The following ACTR3B variants were observed in gnomAD, a reference collection of about 807,000 sequenced individuals.
ACTR3B encodes the protein actin related protein 3B, also known as actin-related protein 3B.
Under a neutral mutation model 59.0 loss-of-function variants are expected in ACTR3B, and 8 were observed. The ratio of observed to expected loss-of-function variants is 0.14; its 90% CI spans 0.08 to 0.24. The LOEUF is 0.24. ACTR3B is among the 10% of genes least tolerant of loss of function. The pLI is 1.00. For missense variants in ACTR3B, 245 were observed against 552.3 expected (o/e 0.44, Z 5.58); for synonymous variants, 148 against 197.9 (o/e 0.75, Z 2.12).
At chr7:152,811,336 G>A (rs1208714134) in intron 4 of ACTR3B, 1 of 148,038 alleles carries the variant, frequency 6.8e-6, no homozygotes, top group African/African-American at 2.5e-5. Context: ...AACTCTCTGA[G>A]TGGGGTACTA....
At chr7:152,782,989 G>A (rs1406759657) in intron 1 of ACTR3B, among the ~76,000 whole-genome samples, 198 bp from the exon 2 acceptor site, 1 of 143,760 alleles carries the variant, frequency 7.0e-6, no homozygotes, top group Non-Finnish European at 1.5e-5. Flanking sequence ...AATATTTTAA[G>A]TTTTTGCAAA....
Position 152,761,585 on chromosome 7 carries a change from G to T in ACTR3B, c.44+1659G>T, listed in dbSNP as rs181787642. ...GTGATTAATGTAACTTGGCTAACTT[G>T]GAGATTCAACTTCTATAGATCATTG... is the stretch of plus-strand genomic sequence containing the variant. On this transcript the variant is annotated intron_variant, in intron 1 of 11. Coordinates refer to ENST00000256001, the MANE Select transcript of ACTR3B (RefSeq NM_020445.6). Among the ~76,000 whole-genome samples the T allele has an allele frequency of 6.2e-3, 950 of 152,248 alleles. 6 individuals are homozygous for T. Among genetic ancestry groups the T allele is most frequent in the Non-Finnish European group, 9.6e-3 (654 of 68,018 alleles).
intron 1 of ACTR3B, among the ~76,000 whole-genome samples, chr7:152,771,089 G>A (rs1191777551): frequency 2.0e-5 from 3 of 150,378 alleles, no homozygotes; most frequent in East Asian, 1.9e-4. Flanking sequence ...TCAGCCTCCC[G>A]AGTAGCTAGG....
chr7:152,798,383 A>G (rs2098224528), intron 2 of ACTR3B, among the ~76,000 whole-genome samples: 1 of 151,640 alleles, frequency 6.6e-6, no homozygotes. Context: ...CACTTGGGTT[A>G]TTTGTTTTTT....
intron 9 of ACTR3B, among the ~76,000 whole-genome samples, chr7:152,847,689 C>T (rs1227411587): frequency 6.6e-6 from 1 of 152,206 alleles, no homozygotes; most frequent in African/African-American, 2.4e-5. Flanking sequence ...CCCGTGCACA[C>T]AGTTCTGTGG....
intron 1 of ACTR3B, among the ~76,000 whole-genome samples, chr7:152,765,746 G>T (rs1318981969): frequency 1.3e-5 from 2 of 151,860 alleles, no homozygotes; most frequent in Non-Finnish European, 2.9e-5. Context: ...CCTGTACACT[G>T]ACTTGAGACC....
At chr7:152,801,434 A>G (rs1176345019) in intron 3 of ACTR3B, among the ~76,000 whole-genome samples, 187 bp from the exon 4 acceptor site, 1 of 152,230 alleles carries the variant, frequency 6.6e-6, no homozygotes, top group Non-Finnish European at 1.5e-5. Context: ...GTGGAGGAGA[A>G]TATGAACAAT....
intron 9 of ACTR3B, among the ~76,000 whole-genome samples, chr7:152,836,637 T>C (rs1797481128): frequency 6.6e-6 from 1 of 152,040 alleles, no homozygotes; most frequent in East Asian, 1.9e-4. Context: ...AATAAAGCAG[T>C]GATGTATGCT....
chr7:152,816,070 C>T (rs549412061), intron 5 of ACTR3B, among the ~76,000 whole-genome samples: 37 of 152,136 alleles, frequency 2.4e-4, no homozygotes, highest in Non-Finnish European at 5.0e-4. Context: ...CCTCAGTCTC[C>T]CGAGTAGCTG....
At chr7:152,828,205 C>T (rs931490510) in intron 9 of ACTR3B, among the ~76,000 whole-genome samples, 2 of 152,068 alleles carry the variant, frequency 1.3e-5, no homozygotes, top group African/African-American at 2.4e-5. Flanking sequence ...CATGTTGAGG[C>T]GTGGCCTTTG....
At chr7:152,835,316 A>G (rs185493043) in intron 9 of ACTR3B, among the ~76,000 whole-genome samples, 180 of 152,216 alleles carry the variant, frequency 1.2e-3, no homozygotes, top group Non-Finnish European at 1.6e-3. Flanking sequence ...GTAGTGCTTG[A>G]TATGTGATAG....
At chr7:152,785,489 G>GAC (rs1318291115) in intron 2 of ACTR3B, among the ~76,000 whole-genome samples, 4 of 103,304 alleles carry the variant, frequency 3.9e-5, no homozygotes, top group Non-Finnish European at 1.9e-5. Context: ...GAGAGAGAGA[G>GAC]AGACAGAGAG....
At chr7:152,803,234 G>T (rs1372689667) in intron 4 of ACTR3B, among the ~76,000 whole-genome samples, 1 of 152,108 alleles carries the variant, frequency 6.6e-6, no homozygotes, top group Non-Finnish European at 1.5e-5. Flanking sequence ...TTTTTGTGGA[G>T]ATGGGGTCTT....
At chr7:152,822,468 G>A (rs1796251696) in intron 7 of ACTR3B, among the ~76,000 whole-genome samples, 2 of 152,264 alleles carry the variant, frequency 1.3e-5, no homozygotes, top group South Asian at 2.1e-4. Context: ...CCCTCAGGCT[G>A]CCTGTCGGTG....
chr7:152,760,759 T>C (rs897839684), intron 1 of ACTR3B, among the ~76,000 whole-genome samples: 1 of 152,220 alleles, frequency 6.6e-6, no homozygotes, highest in Non-Finnish European at 1.5e-5. Flanking sequence ...TGCCCTGAAG[T>C]ATCGGTGACC....
intron 9 of ACTR3B, among the ~76,000 whole-genome samples, chr7:152,826,593 T>TTCAA (rs1796593006): frequency 6.6e-6 from 1 of 152,186 alleles, no homozygotes; most frequent in Non-Finnish European, 1.5e-5. Context: ...TCCTTCCCAC[T>TTCAA]TCAATCCCAC....
At chr7:152,796,860 G>GT (rs779909545) in intron 2 of ACTR3B, among the ~76,000 whole-genome samples, 1 of 54,738 alleles carries the variant, frequency 1.8e-5, no homozygotes, top group African/African-American at 6.9e-5. Flanking sequence ...TAGTTTTTGT[G>GT]TTTTTTTTTT....
intron 9 of ACTR3B, among the ~76,000 whole-genome samples, chr7:152,830,908 A>T (rs1796976181): frequency 6.6e-6 from 1 of 152,192 alleles, no homozygotes; most frequent in African/African-American, 2.4e-5. Context: ...GGAGAGAGAA[A>T]ATCAGAAAAA....
chr7:152,809,811 G>C (rs13246933), intron 4 of ACTR3B, among the ~76,000 whole-genome samples: 31 of 152,190 alleles, frequency 2.0e-4, no homozygotes, highest in African/African-American at 7.2e-4. Context: ...AAAGTGTTGG[G>C]ATTATAGGTG....
Sources: gnomAD v4.1 joint callset for allele counts (sites outside exome capture counted in the v4.1 genomes callset) on GRCh38, gnomAD v4.1.1 for gene constraint, MANE v1.5 for transcripts, NCBI Gene and HGNC (gene_info 2026-07-23, HGNC 2026-07-21) for gene names.